The following VPS8 variants were observed in gnomAD, a reference collection of about 807,000 sequenced individuals.
VPS8 encodes the protein VPS8 subunit of CORVET complex.
VPS8 carries 129 observed loss-of-function variants against 216.4 expected under a neutral mutation model. The observed-to-expected ratio is 0.60, with a 90% confidence interval of 0.52 to 0.69. VPS8 has a LOEUF of 0.69. VPS8 is among the 30% of genes least tolerant of loss of function. VPS8 has a pLI of 0.00. For synonymous variants in VPS8, 571 were observed against 565.4 expected (o/e 1.01, Z -0.14); for missense variants, 1,531 against 1,683.5 (o/e 0.91, Z 1.59).
At chr3:184,883,994 T>A (rs1157830648) in intron 21 of VPS8, among the ~76,000 whole-genome samples, 1 of 152,200 alleles carries the variant, frequency 6.6e-6, no homozygotes, top group African/African-American at 2.4e-5. Flanking sequence ...TATCAGTAGC[T>A]ATTTTGCCTG....
At chr3:184,942,874 CAT>C (rs1742990481) in intron 36 of VPS8, among the ~76,000 whole-genome samples, 2 of 152,158 alleles carry the variant, frequency 1.3e-5, no homozygotes, top group East Asian at 1.9e-4. Context: ...ATACTAGTAA[CAT>C]ATTGAGTTCC....
chr3:184,839,445 ATGT>A, intron 6 of VPS8: 1 of 388,304 alleles, frequency 2.6e-6, no homozygotes, highest in Non-Finnish European at 4.6e-6. Context: ...GCTAAGTGGC[ATGT>A]TATTGCCTAT....
At chr3:185,017,833 G>A (rs893255407) in intron 45 of VPS8, among the ~76,000 whole-genome samples, 1 of 151,934 alleles carries the variant, frequency 6.6e-6, no homozygotes, top group Non-Finnish European at 1.5e-5. Context: ...TGGGGCCCAG[G>A]ACGGCCCTTC....
intron 3 of VPS8, 81 bp downstream of exon 3, chr3:184,826,312 C>T (rs1718765703): frequency 9.4e-7 from 1 of 1,058,320 alleles, no homozygotes; most frequent in Non-Finnish European, 1.4e-6. Context: ...CATACATGCA[C>T]CTAGATGCGC....
intron 2 of VPS8, 62 bp downstream of exon 2, chr3:184,824,847 G>C: frequency 6.8e-7 from 1 of 1,463,228 alleles, no homozygotes; most frequent in Non-Finnish European, 9.3e-7. Flanking sequence ...AGTATGCTTT[G>C]TGACCCAGAG....
intron 36 of VPS8, among the ~76,000 whole-genome samples, chr3:184,955,926 G>A (rs1745514581): frequency 6.7e-6 from 1 of 149,542 alleles, no homozygotes; most frequent in African/African-American, 2.5e-5. Context: ...GGAATGGCCA[G>A]TCACTGAACA....
intron 25 of VPS8, among the ~76,000 whole-genome samples, chr3:184,906,893 G>A (rs746400931): frequency 6.6e-5 from 10 of 152,078 alleles, no homozygotes; most frequent in Admixed American, 2.6e-4. Flanking sequence ...TGGAGGGTCC[G>A]GTCTTAAGGT....
chr3:184,918,943 T>C (rs1318652101), intron 28 of VPS8: 1 of 152,218 alleles, frequency 6.6e-6, no homozygotes, highest in Non-Finnish European at 1.5e-5. Flanking sequence ...CTATTGAGCC[T>C]TCCACAGTAA....
chr3:184,918,956 G>A (rs2109118357), intron 28 of VPS8: 1 of 152,270 alleles, frequency 6.6e-6, no homozygotes, highest in South Asian at 2.1e-4. Context: ...CACAGTAAGA[G>A]TTCCTACAGT....
rs371994775 is a variant in VPS8, at chr3:184,928,532, T to C, written c.2713T>C (p.Phe905Leu). 6 of 1,507,092 alleles carry C rather than the reference T, an allele frequency of 4.0e-6. No individual in the cohort carries two copies. The highest frequency in any genetic ancestry group is 2.7e-5 in the Admixed American group (1 of 37,506). The allele number at this position is 1,507,092 out of a possible 1,614,324, so 93.4% of individuals were successfully genotyped here. The change falls in exon 32 of 48, where the codon TTC (phenylalanine) becomes CTC (leucine). Residue 905 changes from phenylalanine to leucine, a missense_variant and splice_region_variant. This residue lies in a region of VPS8 where 1,318 missense variants were observed against 1,468.4 expected (regional missense o/e 0.90). Transcript: ENST00000625842. Reference sequence around the variant, plus strand: ...CATCCGGATGGCAGAAAAAGCTGAGTTGTAAGTTGTTTTGAGGCTGTATAT... The same window carrying C: ...CATCCGGATGGCAGAAAAAGCTGAGCTGTAAGTTGTTTTGAGGCTGTATAT... Reference protein sequence around the residue: ...RLIRMAEKAEFYQICEFMYER... With the variant: ...RLIRMAEKAELYQICEFMYER...
At chr3:185,025,422 C>T (rs1259481816) in intron 46 of VPS8, among the ~76,000 whole-genome samples, 2 of 152,204 alleles carry the variant, frequency 1.3e-5, no homozygotes, top group Non-Finnish European at 2.9e-5. Flanking sequence ...AAAATAACCA[C>T]CTGCTGGCTC....
At chr3:184,839,832 A>G (rs1159258203) in intron 7 of VPS8, 80 bp downstream of exon 7, 7 of 1,509,866 alleles carry the variant, frequency 4.6e-6, no homozygotes, top group South Asian at 1.3e-5. Context: ...CACAGTTTAT[A>G]TAGTGTACTT....
chr3:184,973,920 C>G (rs1472012280), intron 40 of VPS8, among the ~76,000 whole-genome samples: 2 of 152,090 alleles, frequency 1.3e-5, no homozygotes, highest in Non-Finnish European at 2.9e-5. Context: ...TATATATTTA[C>G]TACATTTTCT....
chr3:184,940,448 C>T (rs181220510), intron 36 of VPS8, among the ~76,000 whole-genome samples: 2 of 152,168 alleles, frequency 1.3e-5, no homozygotes, highest in African/African-American at 4.8e-5. Flanking sequence ...ACTTTTCTTT[C>T]CATTTGAACA....
intron 14 of VPS8, 131 bp from the exon 15 acceptor site, chr3:184,859,854 A>C (rs1577938813): frequency 5.2e-6 from 3 of 579,038 alleles, no homozygotes; most frequent in South Asian, 2.6e-5. Flanking sequence ...TGTAATTATC[A>C]GTATTTTTGG....
chr3:185,015,387 G>A (rs1021490422), intron 45 of VPS8, among the ~76,000 whole-genome samples: 2 of 152,206 alleles, frequency 1.3e-5, no homozygotes, highest in Non-Finnish European at 2.9e-5. Context: ...TCGTAACTGA[G>A]CATTTTCAAT....
chr3:184,931,569 A>C (rs1740689113), intron 34 of VPS8, among the ~76,000 whole-genome samples: 1 of 152,200 alleles, frequency 6.6e-6, no homozygotes, highest in South Asian at 2.1e-4. Context: ...GAAAGATCAG[A>C]GGTGTGAACA....
intron 8 of VPS8, among the ~76,000 whole-genome samples, chr3:184,845,907 A>G (rs187552044): frequency 6.6e-6 from 1 of 152,262 alleles, no homozygotes. Flanking sequence ...AATGTAATCT[A>G]TAAATTAGTT....
At chr3:184,912,999 G>A (rs949696867) in intron 25 of VPS8, among the ~76,000 whole-genome samples, 3 of 152,136 alleles carry the variant, frequency 2.0e-5, no homozygotes, top group Non-Finnish European at 2.9e-5. Flanking sequence ...GAACAGGCTC[G>A]TATCACAAGA....
Sources: allele counts gnomAD v4.1 joint callset (sites outside exome capture counted in the v4.1 genomes callset), GRCh38; gene constraint gnomAD v4.1.1; regional missense constraint gnomAD v4.1.1; transcripts MANE v1.5; gene names NCBI Gene and HGNC (gene_info 2026-07-23, HGNC 2026-07-21).